OR5A2: variants seen among roughly 807,000 people sequenced by gnomAD.
The protein encoded by OR5A2 is olfactory receptor family 5 subfamily A member 2.
For synonymous variants in OR5A2, 155 were observed against 151.1 expected, an observed-to-expected ratio of 1.03 and a Z score of -0.19; for missense variants, 406 against 398.9, an observed-to-expected ratio of 1.02 and a Z score of -0.15.
Position 59,426,295 on chromosome 11 carries a change from T to C in OR5A2, c.-216A>G, listed in dbSNP as rs1590608081. ...GCATTTCCCACTGCTCCATGGCTGG[T>C]TTCTCGTTCCATCAATTTCTTATGC... is the stretch of plus-strand genomic sequence containing the variant. On this transcript the variant is annotated 5_prime_UTR_variant, in exon 1 of 2. Transcript: ENST00000302040. 6.6e-6 allele frequency: 1 copy of C among 152,216 alleles called. No homozygotes were observed. The highest frequency in any genetic ancestry group is 2.4e-5 in the African/African-American group (1 of 41,448). 9.4% of individuals were successfully genotyped at this position (152,216 alleles called of 1,614,324 possible).
chr11:59,418,448 C>T lies in OR5A2; in HGVS notation c.*3531G>A, dbSNP rs1858183416. 6.6e-6 allele frequency: 1 copy of T among 152,080 alleles called. No individual in the cohort carries two copies. The allele number at this position is 152,080 out of a possible 1,614,324, so 9.4% of individuals were successfully genotyped here. On this transcript the variant is annotated 3_prime_UTR_variant, in exon 2 of 2. Coordinates refer to ENST00000302040, the MANE Select transcript of OR5A2 (RefSeq NM_001001954.2). ...AAGTTGCAAACATGAGTGCCACACC[C>T]TAGATGATGGTAATTTTACTAAAGT...
rs1169981376 is a variant in OR5A2 at position 59,418,349 on chromosome 11, ATC to A, written c.*3628_*3629del. On this transcript the variant is annotated 3_prime_UTR_variant, in exon 2 of 2. Coordinates refer to ENST00000302040, the MANE Select transcript of OR5A2 (RefSeq NM_001001954.2). The stretch of plus-strand genomic sequence containing the variant: ...AGCTTTGTTCTTCACTGAAAATTAA[ATC>A]TGTCATTCTGGCTTATGCAGATAGC... 6.6e-6 allele frequency: 1 copy of A among 152,128 alleles called. No individual in the cohort carries two copies. Among genetic ancestry groups the A allele is most frequent in the Non-Finnish European group, 1.5e-5 (1 of 68,000 alleles). 9.4% of individuals were successfully genotyped at this position (152,128 alleles called of 1,614,324 possible).
Position 59,417,904 on chromosome 11 carries a change from A to G in OR5A2, c.*4075T>C, listed in dbSNP as rs1858175604. On this transcript the variant is annotated 3_prime_UTR_variant, in exon 2 of 2. Transcript: ENST00000302040. ...TAAGTGAATGTTGATGGTGCATAGG[A>G]CAACAACAAGGTGTCTACAAAACTC... 1 of 152,074 alleles carries G rather than the reference A, an allele frequency of 6.6e-6. No homozygotes were observed. Among genetic ancestry groups the G allele is most frequent in the Non-Finnish European group, 1.5e-5 (1 of 67,980 alleles). 9.4% of individuals were successfully genotyped at this position (152,074 alleles called of 1,614,324 possible).
At position 59,418,694 on chromosome 11, in the gene OR5A2, T is replaced by C. The variant is rs934192501; in HGVS notation, c.*3285A>G. On this transcript the variant is annotated 3_prime_UTR_variant, in exon 2 of 2. Coordinates refer to ENST00000302040, the MANE Select transcript of OR5A2 (RefSeq NM_001001954.2). The stretch of plus-strand genomic sequence containing the variant: ...AGTCTTACAACCAATCTCCATCTTA[T>C]GTATTACAATTAATGCATATTAATT... The C allele has an allele frequency of 3.3e-5, 5 of 152,154 alleles. No individual in the cohort carries two copies. Among genetic ancestry groups the C allele is most frequent in the African/African-American group, 4.8e-5 (2 of 41,458 alleles). The allele number at this position is 152,154 out of a possible 1,614,324, so 9.4% of individuals were successfully genotyped here. A position where few individuals can be genotyped will look rare whatever the true frequency, so the allele number is the denominator to read the frequency against.
chr11:59,422,936 G>A lies in OR5A2; in HGVS notation c.18C>T (p.Asn6=), dbSNP rs1462529623. 1 of 1,613,304 alleles carries A rather than the reference G, an allele frequency of 6.2e-7. No individual in the cohort carries two copies. Among genetic ancestry groups the A allele is most frequent in the East Asian group, 2.2e-5 (1 of 44,888 alleles). The change falls in exon 2 of 2, where the codon AAC becomes AAT. Residue 6 remains asparagine (N), a synonymous_variant. Coordinates refer to ENST00000302040, the MANE Select transcript of OR5A2 (RefSeq NM_001001954.2). MAVGR[N]NTIVTKFILL... ...GAATGAATTTTGTCACAATTGTGTTGTTCCTTCCTACAGCCATAGGCCTGC... is the reference window on the plus strand; with the variant it reads ...GAATGAATTTTGTCACAATTGTGTTATTCCTTCCTACAGCCATAGGCCTGC...
In OR5A2 at chr11:59,421,821, G is replaced by T; in HGVS notation, c.*158C>A. The stretch of plus-strand genomic sequence containing the variant: ...GCTATTCATTTTACAAGCAACAATG[G>T]CCAAAATGTTTTCTAATAGCCAACA... On this transcript the variant is annotated 3_prime_UTR_variant, in exon 2 of 2. Coordinates refer to ENST00000302040, the MANE Select transcript of OR5A2 (RefSeq NM_001001954.2). 2 of 766,220 alleles carry T rather than the reference G, an allele frequency of 2.6e-6. No individual in the cohort carries two copies. Among genetic ancestry groups the T allele is most frequent in the Non-Finnish European group, 4.1e-6 (2 of 484,314 alleles). 47.5% of individuals were successfully genotyped at this position (766,220 alleles called of 1,614,324 possible). A position where few individuals can be genotyped will look rare whatever the true frequency, so the allele number is the denominator to read the frequency against.
rs1362127445 is a variant in OR5A2 at position 59,419,218 on chromosome 11, A to G, written c.*2761T>C. On this transcript the variant is annotated 3_prime_UTR_variant, in exon 2 of 2. Coordinates refer to ENST00000302040, the MANE Select transcript of OR5A2 (RefSeq NM_001001954.2). ...GGTGCACCTGTTGGCTGAGACTGAT[A>G]TGTCTCAATTGGAGTGGATACCCTA... 1 of 152,134 alleles carries G rather than the reference A, an allele frequency of 6.6e-6. No homozygotes were observed. Among genetic ancestry groups the G allele is most frequent in the Non-Finnish European group, 1.5e-5 (1 of 68,024 alleles). 9.4% of individuals were successfully genotyped at this position (152,134 alleles called of 1,614,324 possible). A position where few individuals can be genotyped will look rare whatever the true frequency, so the allele number is the denominator to read the frequency against.
chr11:59,420,735 G>A lies in OR5A2; in HGVS notation c.*1244C>T, dbSNP rs1044492549. The A allele has an allele frequency of 1.3e-5, 2 of 152,184 alleles. No homozygotes were observed. The highest frequency in any genetic ancestry group is 2.9e-5 in the Non-Finnish European group (2 of 68,028). 9.4% of individuals were successfully genotyped at this position (152,184 alleles called of 1,614,324 possible). A position where few individuals can be genotyped will look rare whatever the true frequency, so the allele number is the denominator to read the frequency against. ...GATACATAACAAGTTCTAAGAAAATGTAGAGGAGAAAAATCATTTTCTTCA... is the reference window on the plus strand; with the variant it reads ...GATACATAACAAGTTCTAAGAAAATATAGAGGAGAAAAATCATTTTCTTCA... On this transcript the variant is annotated 3_prime_UTR_variant, in exon 2 of 2. Transcript: ENST00000302040.
Position 59,422,806 on chromosome 11 carries a change from T to A in OR5A2, c.148A>T (p.Ile50Phe). 1 of 1,614,106 alleles carries A rather than the reference T, an allele frequency of 6.2e-7. No homozygotes were observed. Among genetic ancestry groups the A allele is most frequent in the Non-Finnish European group, 8.5e-7 (1 of 1,180,012 alleles). ...ATGTGCAGGTGAGAGTCCATCTTAA[T>A]GAGGGCAATGAGGCTTAAGTTCCAG... is the stretch of plus-strand genomic sequence containing the variant. ...LAWNLSLIALIKMDSHLHMPM... is the reference protein window; with the variant it reads ...LAWNLSLIALFKMDSHLHMPM... The change falls in exon 2 of 2, where the codon ATT (isoleucine) becomes TTT (phenylalanine). Residue 50 changes from isoleucine to phenylalanine, a missense_variant. Ile to Phe is a conservative substitution (Grantham distance 21). Coordinates refer to ENST00000302040, the MANE Select transcript of OR5A2 (RefSeq NM_001001954.2).
intron 1 of OR5A2, chr11:59,423,631 T>G (rs1858259935): frequency 7.3e-6 from 1 of 137,540 alleles, no homozygotes; most frequent in Admixed American, 7.1e-5. Context: ...TATATGTATA[T>G]TTGTATATAT....
At chr11:59,423,443 A>G (rs1282855279) in intron 1 of OR5A2, 21 of 153,518 alleles carry the variant, frequency 1.4e-4, no homozygotes, top group Admixed American at 1.3e-3. Context: ...TTTAAGCATT[A>G]TAGATCTTTA....
Position 59,418,466 on chromosome 11 carries a change from A to G in OR5A2, c.*3513T>C, listed in dbSNP as rs1278353214. The G allele has an allele frequency of 1.3e-5, 2 of 152,082 alleles. No homozygotes were observed. Among genetic ancestry groups the G allele is most frequent in the Non-Finnish European group, 2.9e-5 (2 of 67,990 alleles). The allele number at this position is 152,082 out of a possible 1,614,324, so 9.4% of individuals were successfully genotyped here. A position where few individuals can be genotyped will look rare whatever the true frequency, so the allele number is the denominator to read the frequency against. ...CCACACCCTAGATGATGGTAATTTT[A>G]CTAAAGTGAATTCTATCTCCAGCTA... On this transcript the variant is annotated 3_prime_UTR_variant, in exon 2 of 2. Transcript: ENST00000302040.
Position 59,418,815 on chromosome 11 carries a change from G to GAT in OR5A2, c.*3162_*3163dup, listed in dbSNP as rs1366829515. On this transcript the variant is annotated 3_prime_UTR_variant, in exon 2 of 2. Transcript: ENST00000302040. ...AATGAGAAATTTACCATTACTCGTA[G>GAT]ATATATATGTGATTGAACAAGAAAA... The GAT allele has an allele frequency of 1.3e-5, 2 of 151,984 alleles. No homozygotes were observed. Among genetic ancestry groups the GAT allele is most frequent in the African/African-American group, 4.8e-5 (2 of 41,392 alleles). 9.4% of individuals were successfully genotyped at this position (151,984 alleles called of 1,614,324 possible).
At chr11:59,425,490 A>T (rs1461279380) in intron 1 of OR5A2, 1 of 152,126 alleles carries the variant, frequency 6.6e-6, no homozygotes, top group African/African-American at 2.4e-5. Context: ...CTAAACAGTA[A>T]TTTCTAATCT....
In OR5A2 at chr11:59,417,509, A is replaced by T. The variant is rs1033808536; in HGVS notation, c.*4470T>A. 6 of 152,126 alleles carry T rather than the reference A, an allele frequency of 3.9e-5. No homozygotes were observed. Among genetic ancestry groups the T allele is most frequent in the Admixed American group, 2.6e-4 (4 of 15,246 alleles). The allele number at this position is 152,126 out of a possible 1,614,324, so 9.4% of individuals were successfully genotyped here. ...GGCTTATCATCCCCAGGGGGTTTGAAAATGTTATAGACATGAGGACAAGTC... is the reference window on the plus strand; with the variant it reads ...GGCTTATCATCCCCAGGGGGTTTGATAATGTTATAGACATGAGGACAAGTC... On this transcript the variant is annotated 3_prime_UTR_variant, in exon 2 of 2. Coordinates refer to ENST00000302040, the MANE Select transcript of OR5A2 (RefSeq NM_001001954.2).
rs1858235232 is a variant in OR5A2 at position 59,422,263 on chromosome 11, A to G, written c.691T>C (p.Ser231Pro). The change falls in exon 2 of 2, where the codon TCA (serine) becomes CCA (proline). Residue 231 changes from serine (S) to proline (P), a missense_variant. Coordinates refer to ENST00000302040, the MANE Select transcript of OR5A2 (RefSeq NM_001001954.2). ...YIVAAVVKIS[S>P]ATGRTKAFST... The stretch of plus-strand genomic sequence containing the variant: ...AAGGCCTTTGTCCTACCTGTAGCTG[A>G]GCTGATCTTCACAACAGCAGCAACA... The G allele has an allele frequency of 6.2e-7, 1 of 1,614,010 alleles. No homozygotes were observed. Among genetic ancestry groups the G allele is most frequent in the Non-Finnish European group, 8.5e-7 (1 of 1,180,000 alleles).
In OR5A2 at chr11:59,422,115, G is replaced by A. The variant is rs773347481; in HGVS notation, c.839C>T (p.Ala280Val). 1.1e-5 allele frequency: 17 copies of A among 1,614,072 alleles called. No homozygotes were observed. The highest frequency in any genetic ancestry group is 1.1e-5 in the Non-Finnish European group (13 of 1,179,994). The change falls in exon 2 of 2, where the codon GCC becomes GTC. Residue 280 changes from alanine (A) to valine (V), a missense_variant. Ala to Val is a moderately conservative substitution (Grantham distance 64). Coordinates refer to ENST00000302040, the MANE Select transcript of OR5A2 (RefSeq NM_001001954.2). ...GGGATTCACCACGGGGATCACCAAG[G>A]CATAGAATATGGACACCACCTTGTC... ...NRDKVVSIFY[A>V]LVIPVVNPII...
Position 59,422,511 on chromosome 11 carries a change from C to T in OR5A2, c.443G>A (p.Gly148Asp), listed in dbSNP as rs770600791. Residue 148 changes from glycine (G) to aspartate (D), a missense_variant, in exon 2 of 2, where the codon GGC (glycine) becomes GAC (aspartate). Physicochemically the swap from Gly to Asp is moderately conservative, Grantham distance 94. Transcript: ENST00000302040. ...SHTLCLKMVVGAYVGGFLSSF... is the reference protein window; with the variant it reads ...SHTLCLKMVVDAYVGGFLSSF... ...ACTAAGGAATCCACCCACATAGGCG[C>T]CAACCACCATCTTTAAACAAAGTGT... is the stretch of plus-strand genomic sequence containing the variant. 4 of 1,614,106 alleles carry T rather than the reference C, an allele frequency of 2.5e-6. No homozygotes were observed. The highest frequency in any genetic ancestry group is 2.5e-6 in the Non-Finnish European group (3 of 1,180,016).
chr11:59,424,772 C>T (rs1005105909), intron 1 of OR5A2: 3 of 152,174 alleles, frequency 2.0e-5, no homozygotes, highest in Non-Finnish European at 4.4e-5. Context: ...TGTCACTTAT[C>T]ATATTAAAAA....
Sources: allele counts gnomAD v4.1 joint callset, GRCh38; gene constraint gnomAD v4.1.1; transcripts MANE v1.5; gene names NCBI Gene and HGNC (gene_info 2026-07-23, HGNC 2026-07-21).